PAPPA: variants seen among roughly 807,000 people sequenced by gnomAD.
PAPPA encodes pappalysin-1.
A neutral mutation model predicts 164.0 loss-of-function variants in PAPPA; 60 were observed. That is an observed-to-expected ratio of 0.37 (90% CI 0.30 to 0.45). The LOEUF is 0.45. Among genes scored for constraint, PAPPA ranks in the 20% least tolerant of loss-of-function variants. The probability of loss-of-function intolerance (pLI) is 1.00; values close to 1 mark genes in which losing one functional copy is unlikely to be tolerated. For missense variants in PAPPA, 1,782 were observed against 2,087.3 expected, an observed-to-expected ratio of 0.85 and a Z score of 2.85; for synonymous variants, 875 against 814.1, an observed-to-expected ratio of 1.07 and a Z score of -1.27.
chr9:116,202,764 A>G lies in PAPPA; in HGVS notation c.1479-4692A>G, dbSNP rs1026551892. Reference sequence around the variant, plus strand: ...GAATTATGGTCACATATTTTTGGGTACACTTCCTGTGCTATCTGTCTTACT... The same window carrying G: ...GAATTATGGTCACATATTTTTGGGTGCACTTCCTGTGCTATCTGTCTTACT... On this transcript the variant is annotated intron_variant, in intron 2 of 21. Coordinates refer to ENST00000328252, the MANE Select transcript of PAPPA (RefSeq NM_002581.5). Among the ~76,000 whole-genome samples, 137 of 152,210 alleles carry G rather than the reference A, an allele frequency of 9.0e-4. 1 individual carries two copies. Among genetic ancestry groups the G allele is most frequent in the African/African-American group, 3.2e-3 (134 of 41,528 alleles).
At position 116,202,062 on chromosome 9, in the gene PAPPA, G is replaced by A. The variant is rs111446938; in HGVS notation, c.1479-5394G>A. Among the ~76,000 whole-genome samples the A allele has an allele frequency of 7.7e-3, 1,166 of 152,276 alleles. 25 individuals carry two copies. The highest frequency in any genetic ancestry group is 0.026 in the African/African-American group (1,085 of 41,548). On this transcript the variant is annotated intron_variant, in intron 2 of 21. Transcript: ENST00000328252. ...CACTGAAGAGTGACCTGCTTTGAGT[G>A]GGAATAGAAATTGAGAGTCCTCAGT...
intron 10 of PAPPA, among the ~76,000 whole-genome samples, chr9:116,307,012 G>C (rs1845655079): frequency 6.6e-6 from 1 of 152,196 alleles, no homozygotes; most frequent in Non-Finnish European, 1.5e-5. Flanking sequence ...GGAGTAGTTT[G>C]AGGGCCAAAG....
intron 7 of PAPPA, among the ~76,000 whole-genome samples, chr9:116,243,263 C>T (rs1052432960): frequency 2.0e-5 from 3 of 152,288 alleles, no homozygotes; most frequent in Admixed American, 6.5e-5. Context: ...AAAACCAGCC[C>T]GGTTTCTGCT....
chr9:116,308,509 G>C (rs1845674959), intron 10 of PAPPA, among the ~76,000 whole-genome samples: 1 of 152,186 alleles, frequency 6.6e-6, no homozygotes, highest in African/African-American at 2.4e-5. Flanking sequence ...GGCTCAGAGA[G>C]CAGAGTAACT....
chr9:116,260,240 A>C (rs941693530), intron 7 of PAPPA, among the ~76,000 whole-genome samples: 6 of 152,246 alleles, frequency 3.9e-5, no homozygotes, highest in African/African-American at 1.4e-4. Context: ...AAAGATATGA[A>C]GAAAATATGG....
intron 9 of PAPPA, among the ~76,000 whole-genome samples, chr9:116,274,609 C>T (rs775551436): frequency 6.6e-6 from 1 of 152,136 alleles, no homozygotes; most frequent in African/African-American, 2.4e-5. Flanking sequence ...TTTGGCTAAG[C>T]CTCAGTGTTC....
chr9:116,329,734 A>G (rs891886536), intron 10 of PAPPA, among the ~76,000 whole-genome samples: 13 of 152,066 alleles, frequency 8.5e-5, no homozygotes, highest in East Asian at 7.7e-4. Context: ...CGATCTCTCC[A>G]TGTTGATGTC....
chr9:116,335,019 C>T lies in PAPPA; in HGVS notation c.3556C>T (p.Pro1186Ser). Residue 1186 changes from proline (P) to serine (S), a missense_variant, in exon 13 of 22, where the codon CCC (proline) becomes TCC (serine). Pro to Ser is a moderately conservative substitution (Grantham distance 74). This residue lies in a region of PAPPA where 1,324 missense variants were observed against 1,656.9 expected (regional missense o/e 0.80). Transcript: ENST00000328252. The part of the protein sequence containing the change: ...VALRSFDNFD[P>S]VTLSSCQRGE... Reference sequence around the variant, plus strand: ...CCTCCGTTCCTTCGACAACTTTGACCCCGTCACCCTGAGCAGCTGCCAGAG... The same window carrying T: ...CCTCCGTTCCTTCGACAACTTTGACTCCGTCACCCTGAGCAGCTGCCAGAG... 1 of 1,613,888 alleles carries T rather than the reference C, an allele frequency of 6.2e-7. No homozygotes were observed. The highest frequency in any genetic ancestry group is 8.5e-7 in the Non-Finnish European group (1 of 1,180,002).
At chr9:116,197,212 T>A (rs537670291) in intron 2 of PAPPA, among the ~76,000 whole-genome samples, 1 of 152,334 alleles carries the variant, frequency 6.6e-6, no homozygotes, top group East Asian at 1.9e-4. Context: ...TGGAATCCTG[T>A]TTCCAAGATT....
chr9:116,281,777 C>G (rs561658940), intron 9 of PAPPA, among the ~76,000 whole-genome samples: 8 of 152,242 alleles, frequency 5.3e-5, no homozygotes, highest in Admixed American at 4.6e-4. Flanking sequence ...GCTGGGAAAC[C>G]ACCCACCAGA....
chr9:116,360,885 G>A (rs984191231), intron 17 of PAPPA, among the ~76,000 whole-genome samples: 2 of 152,146 alleles, frequency 1.3e-5, no homozygotes, highest in Admixed American at 1.3e-4. Flanking sequence ...TAAACAAATA[G>A]GTAATGTCCT....
chr9:116,359,517 T>C (rs1198539540), intron 17 of PAPPA, among the ~76,000 whole-genome samples: 1 of 152,220 alleles, frequency 6.6e-6, no homozygotes, highest in Non-Finnish European at 1.5e-5. Context: ...CTAGAAAAAG[T>C]ACCCTCTGGT....
At chr9:116,181,136 G>T (rs1843899984) in intron 1 of PAPPA, among the ~76,000 whole-genome samples, 1 of 152,226 alleles carries the variant, frequency 6.6e-6, no homozygotes, top group African/African-American at 2.4e-5. Context: ...GGCATTAGGA[G>T]ATAAGATAGA....
At chr9:116,163,495 C>T (rs1047122472) in intron 1 of PAPPA, among the ~76,000 whole-genome samples, 1 of 152,158 alleles carries the variant, frequency 6.6e-6, no homozygotes, top group African/African-American at 2.4e-5. Flanking sequence ...GCAAGTCACT[C>T]TCCCTCTCAG....
chr9:116,318,502 A>C (rs1845814523), intron 10 of PAPPA: 1 of 152,178 alleles, frequency 6.6e-6, no homozygotes, highest in Non-Finnish European at 1.5e-5. Flanking sequence ...ATGCTTTCAA[A>C]AGAAAACAGA....
chr9:116,264,253 C>G (rs1394743996), intron 7 of PAPPA, among the ~76,000 whole-genome samples: 1 of 152,098 alleles, frequency 6.6e-6, no homozygotes, highest in Non-Finnish European at 1.5e-5. Flanking sequence ...AAATCATAAA[C>G]CCTATAATTC....
intron 1 of PAPPA, among the ~76,000 whole-genome samples, chr9:116,169,385 T>C (rs763630287): frequency 2.4e-4 from 32 of 134,374 alleles, no homozygotes; most frequent in Non-Finnish European, 4.8e-4. Flanking sequence ...AGTGGCACAA[T>C]CTTGGCTTAC....
intron 1 of PAPPA, among the ~76,000 whole-genome samples, chr9:116,183,161 A>C (rs1015675895): frequency 6.6e-6 from 1 of 152,082 alleles, no homozygotes; most frequent in African/African-American, 2.4e-5. Flanking sequence ...GAGGAAGGGC[A>C]GTGTGGAGAC....
intron 7 of PAPPA, among the ~76,000 whole-genome samples, chr9:116,263,889 G>A (rs1845032991): frequency 1.3e-5 from 2 of 152,142 alleles, no homozygotes; most frequent in African/African-American, 4.8e-5. Context: ...CGTGACACAT[G>A]CCAGAAGTGA....
Sources: allele counts gnomAD v4.1 joint callset (sites outside exome capture counted in the v4.1 genomes callset), GRCh38; gene constraint gnomAD v4.1.1; regional missense constraint gnomAD v4.1.1; transcripts MANE v1.5; gene names NCBI Gene and HGNC (gene_info 2026-07-23, HGNC 2026-07-21).